TBXAS1: variants seen among roughly 807,000 people sequenced by gnomAD.
TBXAS1 encodes thromboxane-A synthase.
TBXAS1 carries 48 observed loss-of-function variants against 60.7 expected under a neutral mutation model. That is an observed-to-expected ratio of 0.79 (90% confidence interval 0.63 to 1.01). The LOEUF is 1.01. Among genes scored for constraint, TBXAS1 ranks in the 50% least tolerant of loss-of-function variants. TBXAS1 has a pLI of 0.00. For missense variants in TBXAS1, 685 were observed against 686.3 expected (o/e 1.00, Z 0.02); for synonymous variants, 287 against 269.7 (o/e 1.06, Z -0.63).
At chr7:139,850,753 A>T (rs1283992551) in intron 1 of TBXAS1, among the ~76,000 whole-genome samples, 1 of 152,192 alleles carries the variant, frequency 6.6e-6, no homozygotes, top group East Asian at 1.9e-4. Flanking sequence ...AGGGAGGACG[A>T]CATGTAGATA....
Position 140,001,793 on chromosome 7 carries a change from G to C in TBXAS1, c.1135-5298G>C, listed in dbSNP as rs57815467. On this transcript the variant is annotated intron_variant, in intron 9 of 12. Transcript: ENST00000448866. The stretch of plus-strand genomic sequence containing the variant: ...CATCAAATATCCTGTTGGATTCACA[G>C]TTCCCTGATTGATTCATATTTGTTT... Among the ~76,000 whole-genome samples the C allele has an allele frequency of 8.4e-3, 1,273 of 152,312 alleles. 15 individuals are homozygous for C. The highest frequency in any genetic ancestry group is 0.029 in the African/African-American group (1,207 of 41,568).
chr7:139,918,775 C>T (rs1437734852), intron 4 of TBXAS1, among the ~76,000 whole-genome samples: 4 of 152,092 alleles, frequency 2.6e-5, no homozygotes, highest in Non-Finnish European at 1.5e-5. Flanking sequence ...ACCACATGCC[C>T]CTGAGCTGAC....
At chr7:139,796,863 A>G (rs1391870649) in intron 4 of TBXAS1, among the ~76,000 whole-genome samples, 3 of 152,252 alleles carry the variant, frequency 2.0e-5, no homozygotes, top group African/African-American at 4.8e-5. Flanking sequence ...TCTAATGACC[A>G]TTGGGATAAA....
At chr7:139,900,987 G>A (rs150231557) in intron 3 of TBXAS1, among the ~76,000 whole-genome samples, 29 of 152,244 alleles carry the variant, frequency 1.9e-4, no homozygotes, top group Non-Finnish European at 3.4e-4. Flanking sequence ...TGACCAGAGG[G>A]GCAGGGTTCT....
At chr7:139,869,679 G>A (rs1278121550) in intron 1 of TBXAS1, among the ~76,000 whole-genome samples, 5 of 152,144 alleles carry the variant, frequency 3.3e-5, no homozygotes, top group South Asian at 2.1e-4. Context: ...ATCAGCAGCC[G>A]TGCCTGGCCT....
At chr7:139,779,633 G>A (rs1796913798) in intron 1 of TBXAS1, among the ~76,000 whole-genome samples, 1 of 152,084 alleles carries the variant, frequency 6.6e-6, no homozygotes, top group Non-Finnish European at 1.5e-5. Flanking sequence ...TATCCTCCCT[G>A]CAATCTTTAA....
At chr7:139,795,726 C>T (rs1415890393) in intron 4 of TBXAS1, among the ~76,000 whole-genome samples, 1 of 152,054 alleles carries the variant, frequency 6.6e-6, no homozygotes, top group Non-Finnish European at 1.5e-5. Flanking sequence ...TTTCAGCTTT[C>T]CCTTTCTTAA....
intron 9 of TBXAS1, among the ~76,000 whole-genome samples, chr7:139,964,569 T>G (rs971484327): frequency 6.6e-5 from 10 of 152,186 alleles, no homozygotes; most frequent in African/African-American, 2.2e-4. Flanking sequence ...AGCCCAGCGC[T>G]CTGGTCTCAG....
intron 5 of TBXAS1, among the ~76,000 whole-genome samples, chr7:139,951,475 C>T (rs1265160637): frequency 2.0e-5 from 3 of 150,872 alleles, no homozygotes; most frequent in Non-Finnish European, 4.4e-5. Flanking sequence ...AGGATGGGGG[C>T]AGCCAGGCAC....
chr7:139,980,105 T>C (rs766012619), intron 9 of TBXAS1, among the ~76,000 whole-genome samples: 1 of 152,194 alleles, frequency 6.6e-6, no homozygotes, highest in African/African-American at 2.4e-5. Context: ...GACCACTTAA[T>C]AAGGCCTGTG....
chr7:139,825,463 A>G (rs1798413199), upstream of TBXAS1, among the ~76,000 whole-genome samples: 1 of 152,212 alleles, frequency 6.6e-6, no homozygotes, highest in African/African-American at 2.4e-5. Flanking sequence ...CACAAATCAC[A>G]TATGAAGGGC....
chr7:139,849,100 G>A (rs1318821738), intron 1 of TBXAS1, among the ~76,000 whole-genome samples: 1 of 152,146 alleles, frequency 6.6e-6, no homozygotes, highest in Non-Finnish European at 1.5e-5. Flanking sequence ...AGGCATGATG[G>A]CTTACACCTA....
chr7:139,852,371 G>T lies in TBXAS1; in HGVS notation c.90-19864G>T, dbSNP rs1330844251. The stretch of plus-strand genomic sequence containing the variant: ...GTGGTCTGTTCGGAAGGTCAGGCAG[G>T]TTCTGTGGGTCTCCACCTGTGGCTG... On this transcript the variant is annotated intron_variant, in intron 1 of 12. Transcript: ENST00000448866. This position sits in a 1 kb window ranked among gnomAD's most constrained non-coding sequence, Gnocchi z 4.4. Among the ~76,000 whole-genome samples, 1 of 152,224 alleles carries T rather than the reference G, an allele frequency of 6.6e-6. No individual in the cohort carries two copies. Among genetic ancestry groups the T allele is most frequent in the Non-Finnish European group, 1.5e-5 (1 of 68,042 alleles).
chr7:139,890,279 G>C (rs1434782300), intron 3 of TBXAS1, among the ~76,000 whole-genome samples: 2 of 134,224 alleles, frequency 1.5e-5, no homozygotes, highest in Non-Finnish European at 1.5e-5. Flanking sequence ...GCTGTGGCGC[G>C]ATCTCCGCTC....
At chr7:139,805,966 G>A (rs1242319087) in intron 4 of TBXAS1, among the ~76,000 whole-genome samples, 73 of 123,872 alleles carry the variant, frequency 5.9e-4, no homozygotes, top group African/African-American at 2.1e-3. Flanking sequence ...ATGGAGTCTC[G>A]CTCTTTCACC....
intron 3 of TBXAS1, among the ~76,000 whole-genome samples, chr7:139,887,768 A>C (rs1465751528): frequency 6.6e-6 from 1 of 152,154 alleles, no homozygotes; most frequent in Non-Finnish European, 1.5e-5. Context: ...CCCTGCTTTT[A>C]GTTCTTTTGG....
At chr7:139,845,438 C>A (rs571747493) in intron 1 of TBXAS1, among the ~76,000 whole-genome samples, 16 of 152,230 alleles carry the variant, frequency 1.1e-4, no homozygotes, top group African/African-American at 3.9e-4. Context: ...CATGTCCTTC[C>A]CCCTTCATTT....
At chr7:139,867,382 G>A (rs1477519535) in intron 1 of TBXAS1, among the ~76,000 whole-genome samples, 2 of 152,162 alleles carry the variant, frequency 1.3e-5, no homozygotes, top group East Asian at 1.9e-4. Flanking sequence ...ATTCCTGGAG[G>A]TAGATAATTT....
At chr7:139,928,124 G>A (rs1015470392) in intron 4 of TBXAS1, among the ~76,000 whole-genome samples, 1 of 152,142 alleles carries the variant, frequency 6.6e-6, no homozygotes, top group Non-Finnish European at 1.5e-5. Context: ...AACTGCAGGT[G>A]TTTTTGTAAA....
Sources: allele counts gnomAD v4.1 joint callset (sites outside exome capture counted in the v4.1 genomes callset), GRCh38; gene constraint gnomAD v4.1.1; non-coding constraint Gnocchi (gnomAD v3.1); transcripts MANE v1.5; gene names NCBI Gene and HGNC (gene_info 2026-07-23, HGNC 2026-07-21).